C1GALT1: variants seen among roughly 807,000 people sequenced by gnomAD.
C1GALT1 encodes the protein core 1 synthase, glycoprotein-N-acetylgalactosamine 3-beta-galactosyltransferase 1.
In C1GALT1, 11 loss-of-function variants were observed where a neutral mutation model predicts 31.0. That is an observed-to-expected ratio of 0.36 (90% CI 0.22 to 0.59). C1GALT1 has a LOEUF of 0.59. Among genes scored for constraint, C1GALT1 ranks in the 20% least tolerant of loss-of-function variants. The pLI is 0.79. For synonymous variants in C1GALT1, 175 were observed against 143.6 expected (o/e 1.22, Z -1.56); for missense variants, 424 against 425.2 (o/e 1.00, Z 0.03).
At position 7,208,528 on chromosome 7, in the gene C1GALT1, G is replaced by A. The variant is rs540399018; in HGVS notation, c.-18+25708G>A. ...TCTTTTGAATGCCTCAGTCCTTGAT[G>A]TTTGGCTCCTAAAAAAAAAGGAAAA... On this transcript the variant is annotated intron_variant, in intron 1 of 3. Transcript: ENST00000436587. 5.3e-5 allele frequency among the ~76,000 whole-genome samples: 8 copies of A among 152,158 alleles called. No homozygotes were observed. The East Asian group carries it at 1.5e-3, about 29-fold the overall frequency.
intron 1 of C1GALT1, among the ~76,000 whole-genome samples, chr7:7,188,598 A>C (rs1233095185): frequency 6.6e-6 from 1 of 152,192 alleles, no homozygotes; most frequent in Non-Finnish European, 1.5e-5. Flanking sequence ...AAATAAAAAA[A>C]AATTTGTCCT....
Position 7,243,566 on chromosome 7 carries a change from G to A in C1GALT1, c.931G>A (p.Val311Ile). 6.2e-7 allele frequency: 1 copy of A among 1,609,738 alleles called. No individual in the cohort carries two copies. The highest frequency in any genetic ancestry group is 8.5e-7 in the Non-Finnish European group (1 of 1,178,706). Residue 311 changes from valine to isoleucine, a missense_variant, in exon 4 of 4, where the codon GTT (valine) becomes ATT (isoleucine). Coordinates refer to ENST00000436587, the MANE Select transcript of C1GALT1 (RefSeq NM_020156.5). ...TGATCTTGCAGTTTCTTTTCACTAT[G>A]TTGATTCTACAACCATGTATGAGTT... ...CSDLAVSFHY[V>I]DSTTMYELEY... is the part of the protein sequence containing the mutation.
chr7:7,202,673 T>G (rs1269479113), intron 1 of C1GALT1, among the ~76,000 whole-genome samples: 1 of 152,224 alleles, frequency 6.6e-6, no homozygotes, highest in Non-Finnish European at 1.5e-5. Context: ...TCTAGCTTTG[T>G]ACCTCTTTTT....
intron 2 of C1GALT1, among the ~76,000 whole-genome samples, chr7:7,172,104 C>T (rs1780459672): frequency 6.6e-6 from 1 of 152,118 alleles, no homozygotes; most frequent in Non-Finnish European, 1.5e-5. Context: ...TTCATTTCAA[C>T]TTGAAAGACT....
intron 2 of C1GALT1, among the ~76,000 whole-genome samples, chr7:7,159,306 AG>A (rs545488637): frequency 7.2e-4 from 110 of 152,164 alleles, no homozygotes; most frequent in African/African-American, 2.6e-3. Flanking sequence ...CTCTACTAGG[AG>A]GGTCAGATAT....
At chr7:7,241,109 A>ATATATC (rs147259534) in intron 3 of C1GALT1, among the ~76,000 whole-genome samples, 2 of 151,746 alleles carry the variant, frequency 1.3e-5, no homozygotes, top group African/African-American at 2.4e-5. Flanking sequence ...TTACATATAT[A>ATATATC]TCTCTCTACA....
intron 2 of C1GALT1, among the ~76,000 whole-genome samples, chr7:7,173,867 A>G (rs898991373): frequency 2.0e-5 from 3 of 152,174 alleles, no homozygotes; most frequent in Admixed American, 2.0e-4. Context: ...AGATCATGCC[A>G]CTGCACTCCA....
At chr7:7,173,362 G>C (rs949064108) in intron 2 of C1GALT1, among the ~76,000 whole-genome samples, 1 of 151,916 alleles carries the variant, frequency 6.6e-6, no homozygotes, top group Non-Finnish European at 1.5e-5. Flanking sequence ...GCAGAAGCCA[G>C]CATCATGCTT....
intron 2 of C1GALT1, among the ~76,000 whole-genome samples, chr7:7,175,977 T>C (rs1307822050): frequency 6.6e-6 from 1 of 152,042 alleles, no homozygotes; most frequent in Non-Finnish European, 1.5e-5. Context: ...AAGGATAGGG[T>C]TGGGGGGCTT....
intron 3 of C1GALT1, among the ~76,000 whole-genome samples, chr7:7,241,145 A>C (rs1180409081): frequency 2.0e-5 from 3 of 152,034 alleles, no homozygotes; most frequent in African/African-American, 7.2e-5. Context: ...TCTGTAGGTC[A>C]GAAATGGTCA....
At chr7:7,225,371 C>T (rs1782713898) in intron 1 of C1GALT1, among the ~76,000 whole-genome samples, 1 of 152,106 alleles carries the variant, frequency 6.6e-6, no homozygotes, top group Non-Finnish European at 1.5e-5. Context: ...TTGCTTTTTG[C>T]TTTTCCCAGT....
At chr7:7,220,480 G>C (rs1372363797) in intron 1 of C1GALT1, among the ~76,000 whole-genome samples, 1 of 152,146 alleles carries the variant, frequency 6.6e-6, no homozygotes, top group African/African-American at 2.4e-5. Context: ...TATATGCTGA[G>C]CATTGATCTA....
At chr7:7,161,922 G>C (rs1172169377) in intron 2 of C1GALT1, among the ~76,000 whole-genome samples, 1 of 152,036 alleles carries the variant, frequency 6.6e-6, no homozygotes, top group Non-Finnish European at 1.5e-5. Flanking sequence ...CTGACTTACT[G>C]AAAGTACTTC....
chr7:7,243,810 A>G lies in C1GALT1; in HGVS notation c.*83A>G. ...CTGCATTTCTGACATAGAACACTGGAATCCCAGTGAGGAATTCTAAGTGAA... is the reference window on the plus strand; with the variant it reads ...CTGCATTTCTGACATAGAACACTGGGATCCCAGTGAGGAATTCTAAGTGAA... On this transcript the variant is annotated 3_prime_UTR_variant, in exon 4 of 4. Transcript: ENST00000436587. 9 of 992,886 alleles carry G rather than the reference A, an allele frequency of 9.1e-6. No homozygotes were observed. Among genetic ancestry groups the G allele is most frequent in the East Asian group, 2.5e-5 (1 of 40,716 alleles). The allele number at this position is 992,886 out of a possible 1,614,324, so 61.5% of individuals were successfully genotyped here.
At chr7:7,198,734 G>A (rs1033611481) in intron 1 of C1GALT1, among the ~76,000 whole-genome samples, 2 of 152,136 alleles carry the variant, frequency 1.3e-5, no homozygotes, top group Admixed American at 6.5e-5. Context: ...TCTGTTCAGG[G>A]ATCCACCTTC....
Position 7,238,607 on chromosome 7 carries a change from C to G in C1GALT1, c.573C>G (p.Pro191=). The stretch of plus-strand genomic sequence containing the variant: ...TTTCAAAATACGACCCTGAAGAACC[C>G]ATTTACTTTGGGAGAAGATTTAAGC... ...WLLSKYDPEE[P]IYFGRRFKPY... The change falls in exon 3 of 4, where the codon CCC becomes CCG. Residue 191 remains proline (P), a synonymous_variant. Coordinates refer to ENST00000436587, the MANE Select transcript of C1GALT1 (RefSeq NM_020156.5). This position sits in a 1 kb window ranked among gnomAD's most constrained non-coding sequence, Gnocchi z 5.2. The G allele has an allele frequency of 6.2e-7, 1 of 1,614,024 alleles. No individual in the cohort carries two copies. Among genetic ancestry groups the G allele is most frequent in the Non-Finnish European group, 8.5e-7 (1 of 1,179,968 alleles).
intron 2 of C1GALT1, among the ~76,000 whole-genome samples, chr7:7,237,476 T>A (rs1314248381): frequency 5.9e-5 from 9 of 152,220 alleles, no homozygotes; most frequent in African/African-American, 1.9e-4. Flanking sequence ...AGTAGGCCTT[T>A]TTCAAAGTAA....
chr7:7,174,944 C>G (rs893191966), intron 2 of C1GALT1, among the ~76,000 whole-genome samples: 1 of 152,026 alleles, frequency 6.6e-6, no homozygotes, highest in African/African-American at 2.4e-5. Context: ...TTTAGTAATT[C>G]CAATGTCTGG....
intron 2 of C1GALT1, among the ~76,000 whole-genome samples, chr7:7,172,712 A>G (rs980009127): frequency 6.6e-6 from 1 of 152,162 alleles, no homozygotes; most frequent in Non-Finnish European, 1.5e-5. Context: ...GAATTCCCAT[A>G]TATTCCTTAC....
Sources: allele counts gnomAD v4.1 joint callset (sites outside exome capture counted in the v4.1 genomes callset), GRCh38; gene constraint gnomAD v4.1.1; non-coding constraint Gnocchi (gnomAD v3.1); transcripts MANE v1.5; gene names NCBI Gene and HGNC (gene_info 2026-07-23, HGNC 2026-07-21).